Variants in SOS2 observed in about 807,000 individuals in gnomAD.
The protein encoded by SOS2 is SOS Ras/Rho guanine nucleotide exchange factor 2.
A neutral mutation model predicts 148.2 loss-of-function variants in SOS2; 65 were observed. The ratio of observed to expected loss-of-function variants is 0.44; its 90% CI spans 0.36 to 0.54. The LOEUF (loss-of-function observed/expected upper bound fraction) is 0.54, where lower values mean the gene tolerates loss of function less well. SOS2 is among the 20% of genes least tolerant of loss of function. The pLI is 0.00. For missense variants in SOS2, 1,341 were observed against 1,590.2 expected (o/e 0.84, Z 2.67); for synonymous variants, 539 against 537.1 (o/e 1.00, Z -0.05).
intron 20 of SOS2, 58 bp from the exon 21 acceptor site, chr14:50,130,060 T>G (rs2139510527): frequency 2.8e-6 from 3 of 1,067,292 alleles, no homozygotes; most frequent in Non-Finnish European, 4.3e-6. Context: ...TATTATTTTT[T>G]AAATGTTTCC....
At position 50,174,463 on chromosome 14, in the gene SOS2, C is replaced by T. The variant is rs1231657921; in HGVS notation, c.1059G>A (p.Glu353=). Residue 353 remains glutamate (E), a synonymous_variant, in exon 8 of 23, where the codon GAG becomes GAA. Transcript: ENST00000216373. ...TGTTATAAAACCTTACCTTTAGTAA[C>T]TCAAAGTAGTGCCAACAGTGATACA... ...VPVYHCWHYF[E]LLKQLKACSE... is the part of the protein sequence containing the mutation. The T allele has an allele frequency of 3.2e-6, 5 of 1,587,046 alleles. No homozygotes were observed. The highest frequency in any genetic ancestry group is 4.3e-6 in the Non-Finnish European group (5 of 1,160,224).
chr14:50,208,365 C>T (rs1307329251), intron 1 of SOS2, among the ~76,000 whole-genome samples: 2 of 151,914 alleles, frequency 1.3e-5, no homozygotes, highest in African/African-American at 4.8e-5. Context: ...TAAAAAGCTA[C>T]AATAGGCTGG....
At chr14:50,135,835 T>C (rs1884061450) in intron 18 of SOS2, among the ~76,000 whole-genome samples, 1 of 151,176 alleles carries the variant, frequency 6.6e-6, no homozygotes, top group African/African-American at 2.4e-5. Context: ...ATATAGGTAC[T>C]TTCTAATTTT....
At chr14:50,194,096 G>GGATC (rs1470215039) in intron 4 of SOS2, among the ~76,000 whole-genome samples, 1 of 152,090 alleles carries the variant, frequency 6.6e-6, no homozygotes, top group East Asian at 1.9e-4. Flanking sequence ...GACAAATAGG[G>GGATC]GATCATGACA....
At chr14:50,224,364 C>CAT (rs1270067681) in intron 1 of SOS2, among the ~76,000 whole-genome samples, 4,005 of 109,050 alleles carry the variant, frequency 0.037, 188 homozygotes, top group African/African-American at 0.063. Context: ...CACACACACA[C>CAT]ATATATATAA....
chr14:50,119,861 G>C (rs747872190), intron 22 of SOS2, among the ~76,000 whole-genome samples: 32 of 140,982 alleles, frequency 2.3e-4, no homozygotes, highest in Non-Finnish European at 4.4e-4. Context: ...GCCCAGACTG[G>C]AGTGCAGTGG....
At position 50,145,244 on chromosome 14, in the gene SOS2, T is replaced by C. The variant is rs1413457086; in HGVS notation, c.2593A>G (p.Asn865Asp). Residue 865 changes from asparagine to aspartate, a missense_variant, in exon 16 of 23, where the codon AAT becomes GAT. Coordinates refer to ENST00000216373, the MANE Select transcript of SOS2 (RefSeq NM_006939.4). ...ACTATCTCCAATACGCCATTGAAATTATTCAAATCTTGAAAAACTTGCAGA... is the reference window on the plus strand; with the variant it reads ...ACTATCTCCAATACGCCATTGAAATCATTCAAATCTTGAAAAACTTGCAGA... ...EILQVFQDLN[N>D]FNGVLEIVSA... 6.2e-7 allele frequency: 1 copy of C among 1,612,074 alleles called. No homozygotes were observed. The highest frequency in any genetic ancestry group is 8.5e-7 in the Non-Finnish European group (1 of 1,178,316).
chr14:50,218,131 C>A (rs12050142), intron 1 of SOS2, among the ~76,000 whole-genome samples: 1 of 134,588 alleles, frequency 7.4e-6, no homozygotes. Context: ...GACCCTATCT[C>A]TTAAAAACAA....
chr14:50,179,627 A>C (rs1033332548), intron 7 of SOS2, among the ~76,000 whole-genome samples: 1 of 152,172 alleles, frequency 6.6e-6, no homozygotes, highest in Admixed American at 6.6e-5. Flanking sequence ...AGCCTCCCAA[A>C]GTGCTGGGAT....
At position 50,227,242 on chromosome 14, in the gene SOS2, TCTTTC is replaced by T. The variant is rs1301278593; in HGVS notation, c.87+3950_87+3954del. 2.7e-3 allele frequency among the ~76,000 whole-genome samples: 260 copies of T among 96,578 alleles called. 3 individuals carry two copies. The highest frequency in any genetic ancestry group is 0.01 in the Middle Eastern group (2 of 198). The allele number at this position is 96,578 out of a possible 152,430, so 63.4% of individuals were successfully genotyped here. The stretch of plus-strand genomic sequence containing the variant: ...ATCTCTGTGTTTCTTTTTCTTTCTT[TCTTTC>T]TTTTTTTTTTTTTTTGAGACAGAGT... On this transcript the variant is annotated intron_variant, in intron 1 of 22. Transcript: ENST00000216373.
chr14:50,140,093 T>C, intron 16 of SOS2, 34 bp from the exon 17 acceptor site: 2 of 1,002,202 alleles, frequency 2.0e-6, no homozygotes, highest in Non-Finnish European at 3.0e-6. Flanking sequence ...ATAAATTTTT[T>C]ACAATTCAAT....
chr14:50,165,553 G>A (rs1177516651), intron 8 of SOS2, among the ~76,000 whole-genome samples: 1 of 152,054 alleles, frequency 6.6e-6, no homozygotes, highest in African/African-American at 2.4e-5. Flanking sequence ...CTGCTTCATT[G>A]ATCTCATAGT....
At chr14:50,175,934 A>G (rs1210193757) in intron 7 of SOS2, among the ~76,000 whole-genome samples, 2 of 152,246 alleles carry the variant, frequency 1.3e-5, no homozygotes, top group Non-Finnish European at 2.9e-5. Context: ...GGATACACAA[A>G]AAGTGCCACC....
At chr14:50,164,229 C>A (rs967761116) in intron 8 of SOS2, among the ~76,000 whole-genome samples, 1 of 151,924 alleles carries the variant, frequency 6.6e-6, no homozygotes, top group African/African-American at 2.4e-5. Flanking sequence ...TCACTTGAGC[C>A]CAGGAGTTCA....
chr14:50,223,084 A>G (rs1311494048), intron 1 of SOS2, among the ~76,000 whole-genome samples: 1 of 152,216 alleles, frequency 6.6e-6, no homozygotes, highest in East Asian at 1.9e-4. Context: ...TGTGTGGTAT[A>G]AAAAAAGACA....
At chr14:50,180,544 A>C (rs760423129) in intron 7 of SOS2, 28 bp downstream of exon 7, 17 of 1,031,092 alleles carry the variant, frequency 1.6e-5, no homozygotes, top group Admixed American at 2.6e-5. Flanking sequence ...AAAAAAAAAA[A>C]AAAAAAAAAC....
At chr14:50,204,667 T>C (rs1383930580) in intron 1 of SOS2, among the ~76,000 whole-genome samples, 1 of 152,186 alleles carries the variant, frequency 6.6e-6, no homozygotes, top group Non-Finnish European at 1.5e-5. Context: ...CCAAAAAGCA[T>C]ATACACATAA....
intron 3 of SOS2, among the ~76,000 whole-genome samples, chr14:50,200,169 A>G (rs1246970916): frequency 6.6e-6 from 1 of 152,160 alleles, no homozygotes; most frequent in Non-Finnish European, 1.5e-5. Flanking sequence ...ACAAATATCA[A>G]AATATCTGCT....
At chr14:50,203,696 T>C (rs1009170261) in intron 2 of SOS2, among the ~76,000 whole-genome samples, 7 of 152,108 alleles carry the variant, frequency 4.6e-5, no homozygotes, top group Non-Finnish European at 8.8e-5. Context: ...AATATTTATA[T>C]GCAGTAAAAT....
Sources: allele counts gnomAD v4.1 joint callset (sites outside exome capture counted in the v4.1 genomes callset), GRCh38; gene constraint gnomAD v4.1.1; transcripts MANE v1.5; gene names NCBI Gene and HGNC (gene_info 2026-07-23, HGNC 2026-07-21).